Variants in SPTBN4 observed in about 807,000 individuals in gnomAD.
SPTBN4 encodes spectrin beta, non-erythrocytic 4.
SPTBN4 carries 96 observed loss-of-function variants against 277.8 expected under a neutral mutation model. The ratio of observed to expected loss-of-function variants is 0.35; its 90% CI spans 0.29 to 0.41. The LOEUF (loss-of-function observed/expected upper bound fraction) is 0.41, where lower values mean the gene tolerates loss of function less well. Ranked by LOEUF, SPTBN4 falls within the 10% of genes least tolerant of loss-of-function variation. The probability of loss-of-function intolerance (pLI) is 1.00; values close to 1 mark genes in which losing one functional copy is unlikely to be tolerated. For synonymous variants in SPTBN4, 1,481 were observed against 1,580.3 expected, an observed-to-expected ratio of 0.94 and a Z score of 1.49; for missense variants, 3,006 against 3,595.7, an observed-to-expected ratio of 0.84 and a Z score of 4.19.
intron 22 of SPTBN4, 120 bp downstream of exon 22, chr19:40,550,447 G>C (rs1021653659): frequency 2.4e-6 from 2 of 848,722 alleles, no homozygotes; most frequent in African/African-American, 3.3e-5. Context: ...CAAGACTGTG[G>C]ACAGCAGATA....
chr19:40,566,380 C>T, intron 30 of SPTBN4, 21 bp downstream of exon 30: 1 of 1,490,514 alleles, frequency 6.7e-7, no homozygotes, highest in Non-Finnish European at 8.9e-7. Flanking sequence ...CAGATACTGC[C>T]CCATTACCCC....
chr19:40,531,896 G>T (rs528746059), intron 18 of SPTBN4, among the ~76,000 whole-genome samples: 21 of 152,138 alleles, frequency 1.4e-4, no homozygotes, highest in African/African-American at 4.8e-4. Context: ...TTTGGCTGGG[G>T]TTGGCTTTGG....
intron 3 of SPTBN4, among the ~76,000 whole-genome samples, chr19:40,489,236 G>GA (rs984322881): frequency 6.9e-6 from 1 of 145,632 alleles, no homozygotes; most frequent in Non-Finnish European, 1.5e-5. Flanking sequence ...AAAAAAGAAA[G>GA]AAAAAAAAGA....
chr19:40,513,411 C>T lies in SPTBN4; in HGVS notation c.2622C>T (p.Arg874=), dbSNP rs763995984. 3.7e-6 allele frequency: 6 copies of T among 1,605,086 alleles called. No homozygotes were observed. The highest frequency in any genetic ancestry group is 1.7e-4 in the Middle Eastern group (1 of 6,048). Reference sequence around the variant, plus strand: ...TGACCGAAGTGGCGGCGCTGAGGCGCCAGTGGCTGCGGGACGCGCTCGCTG... The same window carrying T: ...TGACCGAAGTGGCGGCGCTGAGGCGTCAGTGGCTGCGGGACGCGCTCGCTG... The part of the protein sequence containing the change: ...AEVTEVAALR[R]QWLRDALAVY... The change falls in exon 14 of 36, where the codon CGC becomes CGT. Residue 874 remains arginine, a synonymous_variant. Coordinates refer to ENST00000598249, the MANE Select transcript of SPTBN4 (RefSeq NM_020971.3).
intron 1 of SPTBN4, among the ~76,000 whole-genome samples, chr19:40,472,254 A>G (rs966967329): frequency 1.3e-5 from 2 of 151,836 alleles, no homozygotes; most frequent in African/African-American, 4.8e-5. Flanking sequence ...CATGTTGCCC[A>G]GGCTTGTCTC....
intron 30 of SPTBN4, chr19:40,567,095 A>G: frequency 2.2e-6 from 1 of 455,416 alleles, no homozygotes; most frequent in Non-Finnish European, 4.4e-6. Flanking sequence ...CAGCCTTGGC[A>G]ACATACTGAG....
rs2079898293 is a variant in SPTBN4 at position 40,472,655 on chromosome 19, G to C, written c.34G>C (p.Glu12Gln). The C allele has an allele frequency of 1.9e-6, 3 of 1,613,872 alleles. No individual in the cohort carries two copies. In the East Asian group the frequency reaches 6.7e-5, roughly 36 times the overall value. The change falls in exon 2 of 36, where the codon GAG (glutamate) becomes CAG (glutamine). Residue 12 changes from glutamate to glutamine, a missense_variant. Glu to Gln is a conservative substitution (Grantham distance 29). Coordinates refer to ENST00000598249, the MANE Select transcript of SPTBN4 (RefSeq NM_020971.3). ...AQVPGEVDNM[E>Q]GLPAPNNNPA... is the part of the protein sequence containing the mutation. ...GGTACCAGGGGAAGTGGACAACATGGAGGGCCTGCCTGCTCCTAACAACAA... is the reference window on the plus strand; with the variant it reads ...GGTACCAGGGGAAGTGGACAACATGCAGGGCCTGCCTGCTCCTAACAACAA...
chr19:40,486,971 C>A (rs896094024), intron 2 of SPTBN4, among the ~76,000 whole-genome samples: 2 of 151,882 alleles, frequency 1.3e-5, no homozygotes, highest in Admixed American at 6.6e-5. Context: ...AAGGTTTTCA[C>A]CAGGTGGGTG....
intron 22 of SPTBN4, among the ~76,000 whole-genome samples, chr19:40,551,345 C>G (rs1441155249): frequency 6.6e-6 from 1 of 151,884 alleles, no homozygotes; most frequent in Non-Finnish European, 1.5e-5. Flanking sequence ...GCCTTGAACA[C>G]CCCACTGCAC....
chr19:40,504,135 G>A lies in SPTBN4; in HGVS notation c.1665+3G>A. 1 of 1,442,990 alleles carries A rather than the reference G, an allele frequency of 6.9e-7. No homozygotes were observed. Among genetic ancestry groups the A allele is most frequent in the Non-Finnish European group, 9.5e-7 (1 of 1,052,168 alleles). The allele number at this position is 1,442,990 out of a possible 1,614,324, so 89.4% of individuals were successfully genotyped here. A position where few individuals can be genotyped will look rare whatever the true frequency, so the allele number is the denominator to read the frequency against. ...TGGACTGGATGGAGGAGATGCAGGT[G>A]CCGGCGGGGGGGCGGGGATGCGGGT... On this transcript the variant is annotated splice_donor_region_variant and intron_variant, in intron 12 of 35. Coordinates refer to ENST00000598249, the MANE Select transcript of SPTBN4 (RefSeq NM_020971.3).
chr19:40,484,537 A>T (rs916640428), intron 2 of SPTBN4, among the ~76,000 whole-genome samples: 1 of 152,182 alleles, frequency 6.6e-6, no homozygotes, highest in Non-Finnish European at 1.5e-5. Flanking sequence ...GGTTAATTTC[A>T]TCTTGTATTC....
chr19:40,505,915 G>T (rs1458551971), intron 12 of SPTBN4, among the ~76,000 whole-genome samples: 1 of 152,192 alleles, frequency 6.6e-6, no homozygotes, highest in East Asian at 1.9e-4. Flanking sequence ...GACAGAGACA[G>T]AGCCCAGAAA....
At position 40,569,666 on chromosome 19, in the gene SPTBN4, C is replaced by T; in HGVS notation, c.6966C>T (p.Thr2322=). The change falls in exon 32 of 36, where the codon ACC becomes ACT. Residue 2322 remains threonine, a synonymous_variant. Coordinates refer to ENST00000598249, the MANE Select transcript of SPTBN4 (RefSeq NM_020971.3). The part of the protein sequence containing the change: ...IRGDLVKGKA[T]LADIVEQLQE... ...GTCCCCCATCCCCCAGGAAGGCCAC[C>T]CTGGCTGACATTGTGGAACAGCTGC... 6.2e-7 allele frequency: 1 copy of T among 1,612,778 alleles called. No homozygotes were observed. Among genetic ancestry groups the T allele is most frequent in the Non-Finnish European group, 8.5e-7 (1 of 1,179,482 alleles).
chr19:40,484,774 TA>T (rs201944484), intron 2 of SPTBN4, among the ~76,000 whole-genome samples: 21 of 150,632 alleles, frequency 1.4e-4, no homozygotes, highest in Non-Finnish European at 2.5e-4. Flanking sequence ...AAAAAAAAAT[TA>T]AAAAAAATTA....
At position 40,520,156 on chromosome 19, in the gene SPTBN4, C is replaced by A; in HGVS notation, c.3654+5C>A. 7.1e-7 allele frequency: 1 copy of A among 1,405,778 alleles called. No individual in the cohort carries two copies. The highest frequency in any genetic ancestry group is 9.3e-7 in the Non-Finnish European group (1 of 1,079,350). The allele number at this position is 1,405,778 out of a possible 1,614,324, so 87.1% of individuals were successfully genotyped here. A position where few individuals can be genotyped will look rare whatever the true frequency, so the allele number is the denominator to read the frequency against. ...CTCGTGGTGCTGCGTAACCAGGTGC[C>A]CACTCGGGGTGTACATTTCGGAGAG... On this transcript the variant is annotated splice_donor_5th_base_variant and intron_variant, in intron 16 of 35. Coordinates refer to ENST00000598249, the MANE Select transcript of SPTBN4 (RefSeq NM_020971.3).
intron 24 of SPTBN4, chr19:40,555,007 C>T (rs1401259038): frequency 1.3e-5 from 3 of 229,780 alleles, no homozygotes; most frequent in South Asian, 1.0e-4. Flanking sequence ...TTGGCTATGG[C>T]GGTGGGGCTG....
intron 1 of SPTBN4, among the ~76,000 whole-genome samples, chr19:40,468,385 T>TTG (rs891547729): frequency 9.2e-5 from 14 of 151,982 alleles, no homozygotes; most frequent in Admixed American, 2.6e-4. Context: ...GCCTACCCTT[T>TTG]TGTGTGTGTG....
chr19:40,501,434 C>T (rs535811148), intron 7 of SPTBN4, among the ~76,000 whole-genome samples: 8 of 151,852 alleles, frequency 5.3e-5, no homozygotes, highest in South Asian at 2.1e-4. Context: ...TTTGGGAGGC[C>T]GAGGTGGGCG....
At chr19:40,531,967 C>T (rs814502) in intron 18 of SPTBN4, among the ~76,000 whole-genome samples, 117,521 of 151,670 alleles carry the variant, frequency 0.77, 47,343 homozygotes, top group African/African-American at 0.93. Context: ...AGGGCTAGAA[C>T]TGGGGAGCCC....
Sources: allele counts gnomAD v4.1 joint callset (sites outside exome capture counted in the v4.1 genomes callset), GRCh38; gene constraint gnomAD v4.1.1; transcripts MANE v1.5; gene names NCBI Gene and HGNC (gene_info 2026-07-23, HGNC 2026-07-21).